The following SERTM1 variants were observed in gnomAD, a reference collection of about 807,000 sequenced individuals.
SERTM1 encodes the protein serine rich and transmembrane domain containing 1.
Under a neutral mutation model 5.5 loss-of-function variants are expected in SERTM1, and 1 was observed. The observed-to-expected ratio is 0.18, with a 90% CI of 0.06 to 0.86. The LOEUF (loss-of-function observed/expected upper bound fraction) is 0.86. Among genes scored for constraint, SERTM1 ranks in the 40% least tolerant of loss-of-function variants. The probability of loss-of-function intolerance (pLI) is 0.69; values close to 1 mark genes in which losing one functional copy is unlikely to be tolerated. For synonymous variants in SERTM1, 52 were observed against 55.1 expected, an observed-to-expected ratio of 0.94 and a Z score of 0.25; for missense variants, 91 against 122.4, an observed-to-expected ratio of 0.74 and a Z score of 1.21.
rs1454233555 is a variant in SERTM1 at position 36,695,139 on chromosome 13, G to A, written c.61G>A (p.Glu21Lys). Residue 21 changes from glutamate (E) to lysine (K), a missense_variant, in exon 2 of 2, where the codon GAG (glutamate) becomes AAG (lysine). Coordinates refer to ENST00000315190, the MANE Select transcript of SERTM1 (RefSeq NM_203451.3). ...AAGTGTGGAGAATGGAACTTTTCTTGAGCTGTTTCCCACATCCCTGTCCAC... is the reference window on the plus strand; with the variant it reads ...AAGTGTGGAGAATGGAACTTTTCTTAAGCTGTTTCCCACATCCCTGTCCAC... ...SGSVENGTFL[E>K]LFPTSLSTSV... 1 of 1,614,180 alleles carries A rather than the reference G, an allele frequency of 6.2e-7. No homozygotes were observed. Among genetic ancestry groups the A allele is most frequent in the South Asian group, 1.1e-5 (1 of 91,086 alleles).
In SERTM1 at chr13:36,677,251, C is replaced by G. The variant is rs2176495; in HGVS notation, c.-174+3067C>G. Among the ~76,000 whole-genome samples, 252 of 152,282 alleles carry G rather than the reference C, an allele frequency of 1.7e-3. 1 individual carries two copies. The highest frequency in any genetic ancestry group is 5.8e-3 in the African/African-American group (239 of 41,556). The stretch of plus-strand genomic sequence containing the variant: ...AAAAGAAAAAAAAGATAAAAGATGT[C>G]TGAGCCGTCAAACAGCCGTACACAC... On this transcript the variant is annotated intron_variant, in intron 1 of 1. Coordinates refer to ENST00000315190, the MANE Select transcript of SERTM1 (RefSeq NM_203451.3).
chr13:36,680,273 G>T (rs1055812268), intron 1 of SERTM1, among the ~76,000 whole-genome samples: 1 of 152,164 alleles, frequency 6.6e-6, no homozygotes, highest in African/African-American at 2.4e-5. Context: ...AATGGGTCTA[G>T]TTGAATGGAA....
intron 1 of SERTM1, among the ~76,000 whole-genome samples, chr13:36,685,889 C>T (rs561137408): frequency 5.3e-5 from 8 of 152,278 alleles, no homozygotes; most frequent in South Asian, 2.1e-4. Flanking sequence ...ACCTGGACCA[C>T]GCTGGCTCTT....
At chr13:36,691,376 T>C (rs1021956291) in intron 1 of SERTM1, among the ~76,000 whole-genome samples, 1 of 152,166 alleles carries the variant, frequency 6.6e-6, no homozygotes, top group African/African-American at 2.4e-5. Flanking sequence ...GTGCGCTGTC[T>C]TACGTTGTCT....
chr13:36,684,296 A>AC (rs951941210), intron 1 of SERTM1, among the ~76,000 whole-genome samples: 4 of 130,592 alleles, frequency 3.1e-5, no homozygotes, highest in Non-Finnish European at 5.0e-5. Flanking sequence ...GACTCTGTCA[A>AC]AAAAAAAAAT....
Position 36,694,981 on chromosome 13 carries a change from G to T in SERTM1, c.-98G>T. 1 of 866,598 alleles carries T rather than the reference G, an allele frequency of 1.2e-6. No homozygotes were observed. Among genetic ancestry groups the T allele is most frequent in the Non-Finnish European group, 1.8e-6 (1 of 546,598 alleles). 53.7% of individuals were successfully genotyped at this position (866,598 alleles called of 1,614,324 possible). ...GCTGATTTAACAGCCTGTGAATTCT[G>T]CAAACACGATCGTGAAAAAATGCCA... is the stretch of plus-strand genomic sequence containing the variant. On this transcript the variant is annotated 5_prime_UTR_variant, in exon 2 of 2. Transcript: ENST00000315190.
chr13:36,696,202 T>G lies in SERTM1; in HGVS notation c.*800T>G, dbSNP rs1023258152. ...GAAGAGATGCCAAGAAGTTTTTATA[T>G]GAATAATTTCTATCAGTGAGAATTA... On this transcript the variant is annotated 3_prime_UTR_variant, in exon 2 of 2. Coordinates refer to ENST00000315190, the MANE Select transcript of SERTM1 (RefSeq NM_203451.3). 1 of 166,962 alleles carries G rather than the reference T, an allele frequency of 6.0e-6. No homozygotes were observed. Among genetic ancestry groups the G allele is most frequent in the African/African-American group, 2.4e-5 (1 of 41,480 alleles). 10.3% of individuals were successfully genotyped at this position (166,962 alleles called of 1,614,324 possible). A position where few individuals can be genotyped will look rare whatever the true frequency, so the allele number is the denominator to read the frequency against.
rs1295762335 is a variant in SERTM1 at position 36,695,014 on chromosome 13, C to T, written c.-65C>T. ...GATCGTGAAAAAATGCCAATCTGTC[C>T]TGTGTAAGCCCTGTGTGAAGTTTTG... On this transcript the variant is annotated 5_prime_UTR_variant, in exon 2 of 2. Coordinates refer to ENST00000315190, the MANE Select transcript of SERTM1 (RefSeq NM_203451.3). The T allele has an allele frequency of 1.2e-5, 14 of 1,155,276 alleles. No homozygotes were observed. Among genetic ancestry groups the T allele is most frequent in the Non-Finnish European group, 1.6e-5 (13 of 795,428 alleles). The allele number at this position is 1,155,276 out of a possible 1,614,324, so 71.6% of individuals were successfully genotyped here. A position where few individuals can be genotyped will look rare whatever the true frequency, so the allele number is the denominator to read the frequency against.
chr13:36,697,335 A>G lies in SERTM1; in HGVS notation c.*1933A>G, dbSNP rs2056822786. 1.2e-5 allele frequency: 2 copies of G among 163,764 alleles called. No individual in the cohort carries two copies. 10.1% of individuals were successfully genotyped at this position (163,764 alleles called of 1,614,324 possible). On this transcript the variant is annotated 3_prime_UTR_variant, in exon 2 of 2. Transcript: ENST00000315190. ...TAAATATATATATATATATATATAT[A>G]TAAACTCACATACTCCCAATTAAAA...
intron 1 of SERTM1, among the ~76,000 whole-genome samples, chr13:36,687,008 A>G (rs1280937574): frequency 6.6e-6 from 1 of 152,218 alleles, no homozygotes; most frequent in Non-Finnish European, 1.5e-5. Context: ...AAGCATTATC[A>G]TACTTTGACT....
At chr13:36,676,381 C>G (rs2056669904) in intron 1 of SERTM1, among the ~76,000 whole-genome samples, 1 of 151,426 alleles carries the variant, frequency 6.6e-6, no homozygotes. Context: ...ACTCTTCTCC[C>G]TATACTTATA....
At chr13:36,674,805 G>C (rs1036398242) in intron 1 of SERTM1, among the ~76,000 whole-genome samples, 2 of 152,142 alleles carry the variant, frequency 1.3e-5, no homozygotes, top group Non-Finnish European at 2.9e-5. Flanking sequence ...ATCCGGGGAA[G>C]TTTTATGTGG....
chr13:36,691,179 G>A (rs1464063512), intron 1 of SERTM1, among the ~76,000 whole-genome samples: 1 of 152,218 alleles, frequency 6.6e-6, no homozygotes, highest in African/African-American at 2.4e-5. Flanking sequence ...ATGCTTATGT[G>A]AGAGCACTCA....
chr13:36,688,066 T>A (rs901091213), intron 1 of SERTM1, among the ~76,000 whole-genome samples: 1 of 152,222 alleles, frequency 6.6e-6, no homozygotes, highest in Admixed American at 6.5e-5. Context: ...ATATGGAGAC[T>A]GTTATGAACA....
At chr13:36,678,481 G>A (rs1302045672) in intron 1 of SERTM1, among the ~76,000 whole-genome samples, 2 of 151,216 alleles carry the variant, frequency 1.3e-5, no homozygotes, top group Non-Finnish European at 2.9e-5. Context: ...TTTTCACAGG[G>A]AGGGGAACAA....
chr13:36,675,207 A>G (rs2056662133), intron 1 of SERTM1, among the ~76,000 whole-genome samples: 1 of 146,568 alleles, frequency 6.8e-6, no homozygotes, highest in Non-Finnish European at 1.5e-5. Context: ...ATGTTCTGCT[A>G]AAGTAAGTAC....
chr13:36,683,802 C>T (rs1319226435), intron 1 of SERTM1, among the ~76,000 whole-genome samples: 1 of 152,146 alleles, frequency 6.6e-6, no homozygotes, highest in East Asian at 1.9e-4. Context: ...ACATGAAATC[C>T]TACGACAGGC....
chr13:36,675,684 C>T (rs186244689), intron 1 of SERTM1, among the ~76,000 whole-genome samples: 1 of 152,210 alleles, frequency 6.6e-6, no homozygotes, highest in African/African-American at 2.4e-5. Flanking sequence ...CTCAGAACAC[C>T]GTTTTTAGTT....
chr13:36,688,602 A>C (rs576158960), intron 1 of SERTM1, among the ~76,000 whole-genome samples: 45 of 152,312 alleles, frequency 3.0e-4, no homozygotes, highest in African/African-American at 9.6e-4. Flanking sequence ...ATTTTAGCTG[A>C]TCTGAGATTA....
Sources: gnomAD v4.1 joint callset for allele counts (sites outside exome capture counted in the v4.1 genomes callset) on GRCh38, gnomAD v4.1.1 for gene constraint, MANE v1.5 for transcripts, NCBI Gene and HGNC (gene_info 2026-07-23, HGNC 2026-07-21) for gene names.